The following ADGRB2 variants were observed in gnomAD, a reference collection of about 807,000 sequenced individuals.
ADGRB2 encodes the protein adhesion G protein-coupled receptor B2.
A neutral mutation model predicts 178.7 loss-of-function variants in ADGRB2; 47 were observed. The observed-to-expected ratio is 0.26, with a 90% CI of 0.21 to 0.34. The LOEUF (loss-of-function observed/expected upper bound fraction) is 0.34. ADGRB2 is among the 10% of genes least tolerant of loss of function. The probability of loss-of-function intolerance (pLI) is 1.00; values close to 1 mark genes in which losing one functional copy is unlikely to be tolerated. For missense variants in ADGRB2, 1,584 were observed against 2,180.8 expected, an observed-to-expected ratio of 0.73 and a Z score of 5.45; for synonymous variants, 870 against 912.4, an observed-to-expected ratio of 0.95 and a Z score of 0.84.
At chr1:31,763,855 C>T in intron 1 of ADGRB2, 29 bp downstream of exon 1, 1 of 985,032 alleles carries the variant, frequency 1.0e-6, no homozygotes, top group Non-Finnish European at 1.2e-6. Flanking sequence ...GGTGCGAGGC[C>T]AGGTCGGGGT....
Position 31,754,588 on chromosome 1 carries a change from C to T in ADGRB2, c.838+1411G>A, listed in dbSNP as rs944345940. On this transcript the variant is annotated intron_variant, in intron 4 of 32. Coordinates refer to ENST00000373658, the MANE Select transcript of ADGRB2 (RefSeq NM_001364857.2). This position sits in a 1 kb window ranked among gnomAD's most constrained non-coding sequence, Gnocchi z 5.7. ...ACCCGCGGCCCGGCTGTCACTCGGA[C>T]GGCTTCATTGACCGCCGTTAGAGGC... Among the ~76,000 whole-genome samples the T allele has an allele frequency of 1.3e-5, 2 of 152,248 alleles. No homozygotes were observed. Among genetic ancestry groups the T allele is most frequent in the African/African-American group, 4.8e-5 (2 of 41,460 alleles).
chr1:31,749,766 T>A (rs980445967), intron 4 of ADGRB2, among the ~76,000 whole-genome samples: 2 of 152,084 alleles, frequency 1.3e-5, no homozygotes, highest in Admixed American at 1.3e-4. Context: ...TACAAAAAAA[T>A]TTTAGCTGGG....
chr1:31,735,805 A>C lies in ADGRB2; in HGVS notation c.3267+22T>G. On this transcript the variant is annotated intron_variant, in intron 23 of 32. Coordinates refer to ENST00000373658, the MANE Select transcript of ADGRB2 (RefSeq NM_001364857.2). This position sits in a 1 kb window ranked among gnomAD's most constrained non-coding sequence, Gnocchi z 6.0. ...GACCCTCTGGGGCCATGCCCCTTCC[A>C]AGATGCTGAACGGGCACATACCAGG... 6.2e-7 allele frequency: 1 copy of C among 1,607,148 alleles called. No homozygotes were observed. Among genetic ancestry groups the C allele is most frequent in the Non-Finnish European group, 8.5e-7 (1 of 1,175,968 alleles).
rs1044298395 is a variant in ADGRB2 at position 31,754,937 on chromosome 1, G to A, written c.838+1062C>T. On this transcript the variant is annotated intron_variant, in intron 4 of 32. Coordinates refer to ENST00000373658, the MANE Select transcript of ADGRB2 (RefSeq NM_001364857.2). This position sits in a 1 kb window ranked among gnomAD's most constrained non-coding sequence, Gnocchi z 5.7. The stretch of plus-strand genomic sequence containing the variant: ...CCTAGCAGCCCTCACATGATACCCT[G>A]TCTCCTTGTAAACACTCTCCCAGTG... Among the ~76,000 whole-genome samples the A allele has an allele frequency of 5.9e-5, 9 of 152,296 alleles. No individual in the cohort carries two copies. The highest frequency in any genetic ancestry group is 2.2e-4 in the African/African-American group (9 of 41,572).
intron 6 of ADGRB2, 147 bp from the exon 7 acceptor site, chr1:31,743,149 C>G: frequency 1.0e-6 from 1 of 978,276 alleles, no homozygotes; most frequent in Non-Finnish European, 1.4e-6. Context: ...CCAGGGGGAT[C>G]TCCCAGGGCC....
chr1:31,748,504 T>A (rs1261339041), intron 4 of ADGRB2, among the ~76,000 whole-genome samples: 1 of 152,382 alleles, frequency 6.6e-6, no homozygotes, highest in East Asian at 1.9e-4. Context: ...CAGCACACAC[T>A]GTGTGCAGGC....
intron 4 of ADGRB2, among the ~76,000 whole-genome samples, chr1:31,750,518 C>T (rs1016921599): frequency 1.3e-5 from 2 of 152,198 alleles, no homozygotes; most frequent in African/African-American, 2.4e-5. Context: ...CCACACAGTC[C>T]TGTGCCCTCA....
chr1:31,744,345 G>C lies in ADGRB2; in HGVS notation c.935C>G (p.Ala312Gly). The part of the protein sequence containing the change: ...LYMAQTGDPA[A>G]EEWSPWSVCS... ...CACGCTCCACGGGGACCACTCCTCAGCCGCCGGGTCGCCTACGAGAGAGGG... is the reference window on the plus strand; with the variant it reads ...CACGCTCCACGGGGACCACTCCTCACCCGCCGGGTCGCCTACGAGAGAGGG... The change falls in exon 6 of 33, where the codon GCT becomes GGT. Residue 312 changes from alanine (A) to glycine (G), a missense_variant. This residue lies in a region of ADGRB2 where 657 missense variants were observed against 847.6 expected (regional missense o/e 0.78). Coordinates refer to ENST00000373658, the MANE Select transcript of ADGRB2 (RefSeq NM_001364857.2). The surrounding 1 kb of genome is among the most constrained non-coding windows in gnomAD (Gnocchi z 6.7). 6.4e-7 allele frequency: 1 copy of C among 1,550,694 alleles called. No individual in the cohort carries two copies. Among genetic ancestry groups the C allele is most frequent in the Non-Finnish European group, 8.7e-7 (1 of 1,146,858 alleles).
intron 29 of ADGRB2, among the ~76,000 whole-genome samples, chr1:31,729,204 C>G (rs1275506665): frequency 6.6e-6 from 1 of 152,128 alleles, no homozygotes; most frequent in African/African-American, 2.4e-5. Flanking sequence ...AAGAAAGAGG[C>G]CTGAGAGTCT....
chr1:31,727,438 G>A lies in ADGRB2; in HGVS notation c.4740C>T (p.Asp1580=). 1 of 1,587,774 alleles carries A rather than the reference G, an allele frequency of 6.3e-7. No homozygotes were observed. Among genetic ancestry groups the A allele is most frequent in the East Asian group, 2.3e-5 (1 of 43,596 alleles). Residue 1580 remains aspartate (D), a synonymous_variant, in exon 33 of 33, where the codon GAC becomes GAT. Transcript: ENST00000373658. The surrounding 1 kb of genome is among the most constrained non-coding windows in gnomAD (Gnocchi z 4.4). The part of the protein sequence containing the change: ...AWEPTEPPDG[D]FQTEV ...GTGGCACTCACACCTCTGTCTGGAA[G>A]TCACCATCCGGTGGTTCTGTGGGCT...
Position 31,736,604 on chromosome 1 carries a change from G to A in ADGRB2, c.3099C>T (p.Leu1033=), listed in dbSNP as rs369387862. 3.1e-6 allele frequency: 5 copies of A among 1,614,012 alleles called. No homozygotes were observed. Among genetic ancestry groups the A allele is most frequent in the Non-Finnish European group, 4.2e-6 (5 of 1,179,994 alleles). ...CCAGGCAGAGGAAGCGCTTGCGAAC[G>A]AGGCGGGTGCGCATCCGCCCAATGA... is the stretch of plus-strand genomic sequence containing the variant. ...LAVIGRMRTR[L]VRKRFLCLGW... Residue 1033 remains leucine, a synonymous_variant, in exon 21 of 33, where the codon CTC becomes CTT. Coordinates refer to ENST00000373658, the MANE Select transcript of ADGRB2 (RefSeq NM_001364857.2).
At position 31,756,308 on chromosome 1, in the gene ADGRB2, C is replaced by A. The variant is rs780684934; in HGVS notation, c.529G>T (p.Ala177Ser). ...ACCTCGACAAAGCGGAAGGCTAGGG[C>A]AGCGGGCGCCAGCAGGCGCGGGGCC... ...SEAPRLLAPA[A>S]LAFRFVEVLL... Residue 177 changes from alanine to serine, a missense_variant, in exon 4 of 33, where the codon GCC becomes TCC. Transcript: ENST00000373658. The surrounding 1 kb of genome is among the most constrained non-coding windows in gnomAD (Gnocchi z 8.5). 1 of 1,612,972 alleles carries A rather than the reference C, an allele frequency of 6.2e-7. No individual in the cohort carries two copies. The highest frequency in any genetic ancestry group is 1.7e-5 in the Admixed American group (1 of 60,030).
Position 31,756,323 on chromosome 1 carries a change from G to T in ADGRB2, c.514C>A (p.Leu172Met). ...LSAEPSEAPR[L>M]LAPAALAFRF... Reference sequence around the variant, plus strand: ...AAGGCTAGGGCAGCGGGCGCCAGCAGGCGCGGGGCCTCGGAGGGCTCAGCC... The same window carrying T: ...AAGGCTAGGGCAGCGGGCGCCAGCATGCGCGGGGCCTCGGAGGGCTCAGCC... The change falls in exon 4 of 33, where the codon CTG becomes ATG. Residue 172 changes from leucine to methionine, a missense_variant. By Grantham distance (15) the Leu-to-Met change is conservative. Around this residue, in one of 3 missense-constraint regions of ADGRB2, gnomAD observed 657 missense variants for 847.6 expected, o/e 0.78. Transcript: ENST00000373658. The surrounding 1 kb of genome is among the most constrained non-coding windows in gnomAD (Gnocchi z 8.5). 6.2e-7 allele frequency: 1 copy of T among 1,612,984 alleles called. No individual in the cohort carries two copies. The highest frequency in any genetic ancestry group is 8.5e-7 in the Non-Finnish European group (1 of 1,179,962).
At position 31,736,662 on chromosome 1, in the gene ADGRB2, A is replaced by C; in HGVS notation, c.3041T>G (p.Val1014Gly). Residue 1014 changes from valine to glycine, a missense_variant, in exon 21 of 33, where the codon GTG becomes GGG. By Grantham distance (109) the Val-to-Gly change is moderately radical. This residue lies in a region of ADGRB2 where 865 missense variants were observed against 1,192.8 expected (regional missense o/e 0.73). Coordinates refer to ENST00000373658, the MANE Select transcript of ADGRB2 (RefSeq NM_001364857.2). ...HFFFLSSFCW[V>G]LTEAWQSYLA... ...GTAGGACTGCCAGGCCTCGGTAAGC[A>C]CCCAGCAAAAGGAGGAGAGAAAGAA... The C allele has an allele frequency of 6.2e-7, 1 of 1,614,106 alleles. No homozygotes were observed. The highest frequency in any genetic ancestry group is 8.5e-7 in the Non-Finnish European group (1 of 1,179,972).
rs1645059267 is a variant in ADGRB2 at position 31,727,769 on chromosome 1, G to T, written c.4573-164C>A. 1.1e-6 allele frequency: 1 copy of T among 904,628 alleles called. No individual in the cohort carries two copies. Among genetic ancestry groups the T allele is most frequent in the African/African-American group, 1.7e-5 (1 of 59,398 alleles). The allele number at this position is 904,628 out of a possible 1,614,324, so 56.0% of individuals were successfully genotyped here. On this transcript the variant is annotated intron_variant, in intron 32 of 32. Coordinates refer to ENST00000373658, the MANE Select transcript of ADGRB2 (RefSeq NM_001364857.2). The surrounding 1 kb of genome is among the most constrained non-coding windows in gnomAD (Gnocchi z 4.4). ...ACAGACCTGCCTGGTTCCAGGGTGG[G>T]GCTCCTGACCCCTGTTCTCAGTGGC...
chr1:31,741,614 T>C lies in ADGRB2; in HGVS notation c.1687+10A>G. On this transcript the variant is annotated intron_variant, in intron 10 of 32. Transcript: ENST00000373658. The surrounding 1 kb of genome is among the most constrained non-coding windows in gnomAD (Gnocchi z 6.5). ...GGTGGTGGTGGTGGGGAAAGCCACC[T>C]GCCCCTTACCTGAGGCATTCGGGGG... 6.2e-7 allele frequency: 1 copy of C among 1,612,910 alleles called. No homozygotes were observed. Among genetic ancestry groups the C allele is most frequent in the Non-Finnish European group, 8.5e-7 (1 of 1,179,436 alleles).
At chr1:31,745,853 A>G (rs6691283) in intron 4 of ADGRB2, among the ~76,000 whole-genome samples, 9,759 of 152,172 alleles carry the variant, frequency 0.064, 479 homozygotes, top group African/African-American at 0.13. Flanking sequence ...GCTCTTTCTC[A>G]CCAAGCATGA....
chr1:31,732,656 C>T (rs755374358), intron 26 of ADGRB2, 44 bp from the exon 27 acceptor site: 7 of 1,592,574 alleles, frequency 4.4e-6, no homozygotes, highest in Non-Finnish European at 6.0e-6. Context: ...CACTGCAGGG[C>T]CCCCGACCAC....
In ADGRB2 at chr1:31,728,066, T is replaced by G. The variant is rs1482128057; in HGVS notation, c.4531A>C (p.Ser1511Arg). 6.2e-7 allele frequency: 1 copy of G among 1,601,278 alleles called. No individual in the cohort carries two copies. Among genetic ancestry groups the G allele is most frequent in the Non-Finnish European group, 8.5e-7 (1 of 1,175,856 alleles). Residue 1511 changes from serine to arginine, a missense_variant, in exon 32 of 33, where the codon AGT becomes CGT. By Grantham distance (110) the Ser-to-Arg change is moderately radical. Around this residue, in one of 3 missense-constraint regions of ADGRB2, gnomAD observed 865 missense variants for 1,192.8 expected, o/e 0.73. Transcript: ENST00000373658. This position sits in a 1 kb window ranked among gnomAD's most constrained non-coding sequence, Gnocchi z 6.7. ...QSTAKREKRW[S>R]VSSGGAAERS... The stretch of plus-strand genomic sequence containing the variant: ...TCGGCTGCCCCACCCGAGGACACAC[T>G]CCACCGCTTCTCCCTCTGCAACGGG...
Sources: allele counts gnomAD v4.1 joint callset (sites outside exome capture counted in the v4.1 genomes callset), GRCh38; gene constraint gnomAD v4.1.1; regional missense constraint gnomAD v4.1.1; non-coding constraint Gnocchi (gnomAD v3.1); transcripts MANE v1.5; gene names NCBI Gene and HGNC (gene_info 2026-07-23, HGNC 2026-07-21).